Variants in SNX29 observed in about 807,000 individuals in gnomAD.
SNX29 encodes sorting nexin-29.
In SNX29, 78 loss-of-function variants were observed where a neutral mutation model predicts 102.1. The observed-to-expected ratio is 0.76, with a 90% CI of 0.64 to 0.92. SNX29 has a LOEUF of 0.92. Among genes scored for constraint, SNX29 ranks in the 40% least tolerant of loss-of-function variants. The pLI is 0.00. For synonymous variants in SNX29, 580 were observed against 414.5 expected (o/e 1.40, Z -4.85); for missense variants, 1,280 against 1,061.7 (o/e 1.21, Z -2.86).
intron 14 of SNX29, among the ~76,000 whole-genome samples, chr16:12,228,951 C>T (rs830718): frequency 0.41 from 62,604 of 152,122 alleles, 14,809 homozygotes; most frequent in Non-Finnish European, 0.54. Context: ...CTGACTCCTG[C>T]TGCTCTCCCT....
intron 11 of SNX29, among the ~76,000 whole-genome samples, chr16:12,122,590 G>C (rs2054023569): frequency 6.6e-6 from 1 of 152,260 alleles, no homozygotes; most frequent in South Asian, 2.1e-4. Flanking sequence ...GAGAAGGAGA[G>C]TGTGTTCAGT....
intron 9 of SNX29, among the ~76,000 whole-genome samples, chr16:12,066,200 ACT>A (rs1382381721): frequency 6.6e-6 from 1 of 151,830 alleles, no homozygotes; most frequent in Non-Finnish European, 1.5e-5. Context: ...ATGTAGTCTG[ACT>A]CTGCATGAGT....
intron 1 of SNX29, among the ~76,000 whole-genome samples, chr16:11,985,833 C>CT (rs571058575): frequency 0.033 from 4,478 of 135,490 alleles, 179 homozygotes; most frequent in African/African-American, 0.09. Flanking sequence ...ATTGCCTTAT[C>CT]TTTTTTTTTT....
intron 14 of SNX29, among the ~76,000 whole-genome samples, chr16:12,212,594 A>G (rs1178008864): frequency 1.3e-5 from 2 of 152,190 alleles, no homozygotes; most frequent in Non-Finnish European, 2.9e-5. Flanking sequence ...AGGAGTAAAG[A>G]TAATATATAT....
chr16:12,003,932 A>T (rs2056373859), intron 3 of SNX29, among the ~76,000 whole-genome samples: 1 of 152,092 alleles, frequency 6.6e-6, no homozygotes, highest in South Asian at 2.1e-4. Context: ...GCTTGAACCC[A>T]GGCTAATTTT....
Position 12,571,662 on chromosome 16 carries a change from A to AG in SNX29, c.*3036dup, listed in dbSNP as rs1273963566. 9.4e-6 allele frequency: 10 copies of AG among 1,058,974 alleles called. No individual in the cohort carries two copies. Among genetic ancestry groups the AG allele is most frequent in the Admixed American group, 5.4e-5 (1 of 18,404 alleles). The allele number at this position is 1,058,974 out of a possible 1,614,324, so 65.6% of individuals were successfully genotyped here. ...AGATGAAAGACGACTCAGGAACGGT[A>AG]GGGCTGGGCAGAGGTGTCTCTCCTT... On this transcript the variant is annotated 3_prime_UTR_variant, in exon 21 of 21. Coordinates refer to ENST00000566228, the MANE Select transcript of SNX29 (RefSeq NM_032167.5).
chr16:12,197,766 C>T (rs185559783), intron 13 of SNX29, among the ~76,000 whole-genome samples: 3 of 152,082 alleles, frequency 2.0e-5, no homozygotes, highest in Non-Finnish European at 4.4e-5. Flanking sequence ...AAGGGACTCC[C>T]TTGTGGTTTA....
chr16:12,272,694 C>T (rs76875328), intron 14 of SNX29, among the ~76,000 whole-genome samples: 5,204 of 152,220 alleles, frequency 0.034, 133 homozygotes, highest in African/African-American at 0.067. Context: ...GTCATTGGTT[C>T]TCTTAGCTTT....
chr16:11,996,410 T>G (rs940995463), intron 1 of SNX29, among the ~76,000 whole-genome samples: 1 of 152,172 alleles, frequency 6.6e-6, no homozygotes, highest in Non-Finnish European at 1.5e-5. Flanking sequence ...AATTGCTGCT[T>G]TTTAACAAGA....
chr16:12,242,365 ATATT>A (rs1191929752), intron 14 of SNX29, among the ~76,000 whole-genome samples: 1 of 133,248 alleles, frequency 7.5e-6, no homozygotes, highest in African/African-American at 2.9e-5. Flanking sequence ...ATATATATAT[ATATT>A]TTTTTTTTTT....
At chr16:12,464,443 T>C (rs1484991229) in intron 18 of SNX29, among the ~76,000 whole-genome samples, 1 of 152,038 alleles carries the variant, frequency 6.6e-6, no homozygotes, top group Non-Finnish European at 1.5e-5. Flanking sequence ...ATTTTAAAGT[T>C]TCATTTTATT....
At position 12,572,333 on chromosome 16, in the gene SNX29, C is replaced by T. The variant is rs993074006; in HGVS notation, c.*3704C>T. On this transcript the variant is annotated 3_prime_UTR_variant, in exon 21 of 21. Coordinates refer to ENST00000566228, the MANE Select transcript of SNX29 (RefSeq NM_032167.5). The stretch of plus-strand genomic sequence containing the variant: ...GGTTGGAAACAGGAGTGAAGCCCAC[C>T]AGCCTGCCTGGTTGATGGACAGCAG... 1.8e-5 allele frequency: 19 copies of T among 1,063,238 alleles called. No individual in the cohort carries two copies. In the African/African-American group the frequency reaches 3.1e-4, roughly 17 times the overall value. 65.9% of individuals were successfully genotyped at this position (1,063,238 alleles called of 1,614,324 possible).
At chr16:12,199,785 G>C in intron 14 of SNX29, 102 bp downstream of exon 14, 1 of 949,672 alleles carries the variant, frequency 1.1e-6, no homozygotes, top group South Asian at 1.5e-5. Context: ...GTGCATATGT[G>C]GATGGATTAG....
intron 14 of SNX29, among the ~76,000 whole-genome samples, chr16:12,267,685 G>T (rs781501363): frequency 6.6e-6 from 1 of 152,184 alleles, no homozygotes; most frequent in Non-Finnish European, 1.5e-5. Context: ...GTAGCTGGAG[G>T]CTGTTGGGTA....
intron 18 of SNX29, among the ~76,000 whole-genome samples, chr16:12,469,103 T>G (rs1416050893): frequency 6.6e-6 from 1 of 152,210 alleles, no homozygotes; most frequent in Non-Finnish European, 1.5e-5. Context: ...CATCCAGACC[T>G]TTATGCTACA....
intron 1 of SNX29, chr16:11,977,916 C>T (rs1023889760): frequency 1.3e-5 from 2 of 152,206 alleles, no homozygotes; most frequent in Non-Finnish European, 2.9e-5. Context: ...GCCTGTTTTC[C>T]CCTCACTGTG....
intron 13 of SNX29, among the ~76,000 whole-genome samples, chr16:12,171,151 C>T (rs550993914): frequency 1.6e-4 from 25 of 152,190 alleles, no homozygotes; most frequent in Admixed American, 2.6e-4. Flanking sequence ...CTGGTTGACA[C>T]GGGCTCTTTG....
At chr16:12,058,874 C>A (rs1479001028) in intron 8 of SNX29, among the ~76,000 whole-genome samples, 1 of 150,422 alleles carries the variant, frequency 6.6e-6, no homozygotes, top group Non-Finnish European at 1.5e-5. Flanking sequence ...TCACTGCAGC[C>A]CTCGACCTCC....
Position 12,573,339 on chromosome 16 carries a change from TAG to T in SNX29, c.*4712_*4713del, listed in dbSNP as rs1437366225. ...GGGTACTCTGAATTATGTCATGGAG[TAG>T]ACAGTTACTTCTAAATCCCAGCAAC... On this transcript the variant is annotated 3_prime_UTR_variant, in exon 21 of 21. Transcript: ENST00000566228. 4.4e-6 allele frequency: 1 copy of T among 225,434 alleles called. No individual in the cohort carries two copies. Among genetic ancestry groups the T allele is most frequent in the Non-Finnish European group, 8.8e-6 (1 of 113,314 alleles). 14.0% of individuals were successfully genotyped at this position (225,434 alleles called of 1,614,324 possible). A position where few individuals can be genotyped will look rare whatever the true frequency, so the allele number is the denominator to read the frequency against.
Sources: gnomAD v4.1 joint callset for allele counts (sites outside exome capture counted in the v4.1 genomes callset) on GRCh38, gnomAD v4.1.1 for gene constraint, MANE v1.5 for transcripts, NCBI Gene and HGNC (gene_info 2026-07-23, HGNC 2026-07-21) for gene names.